The following NCOA1 variants were observed in gnomAD, a reference collection of about 807,000 sequenced individuals.
The protein encoded by NCOA1 is nuclear receptor coactivator 1.
Under a neutral mutation model 150.9 loss-of-function variants are expected in NCOA1, and 35 were observed. The observed-to-expected ratio is 0.23, with a 90% CI of 0.18 to 0.31. The LOEUF is 0.31. Among genes scored for constraint, NCOA1 ranks in the 10% least tolerant of loss-of-function variants. NCOA1 has a pLI of 1.00. For missense variants in NCOA1, 1,491 were observed against 1,749.3 expected, an observed-to-expected ratio of 0.85 and a Z score of 2.63; for synonymous variants, 590 against 630.0, an observed-to-expected ratio of 0.94 and a Z score of 0.95.
intron 14 of NCOA1, among the ~76,000 whole-genome samples, chr2:24,712,961 G>A (rs1673826230): frequency 6.6e-6 from 1 of 152,172 alleles, no homozygotes; most frequent in Admixed American, 6.5e-5. Flanking sequence ...CAGGTGCGGT[G>A]GCTCACGCCT....
intron 3 of NCOA1, among the ~76,000 whole-genome samples, chr2:24,624,229 A>G (rs1669301775): frequency 6.6e-6 from 1 of 152,178 alleles, no homozygotes; most frequent in Non-Finnish European, 1.5e-5. Flanking sequence ...AATACAATAA[A>G]TATTGGTAAC....
intron 7 of NCOA1, among the ~76,000 whole-genome samples, chr2:24,674,259 G>A (rs1161351226): frequency 2.0e-5 from 3 of 150,466 alleles, no homozygotes; most frequent in African/African-American, 7.3e-5. Flanking sequence ...ATGCTGGAGT[G>A]CAGTGGTGTG....
chr2:24,548,000 A>AAG (rs1209469056), intron 1 of NCOA1, among the ~76,000 whole-genome samples: 1 of 151,286 alleles, frequency 6.6e-6, no homozygotes, highest in African/African-American at 2.4e-5. Flanking sequence ...AAAAAAAAAA[A>AAG]AAAAAAAAGG....
In NCOA1 at chr2:24,768,515, GCAAAA is replaced by G; in HGVS notation, c.*125_*129del. On this transcript the variant is annotated 3_prime_UTR_variant, in exon 23 of 23. Coordinates refer to ENST00000348332, the MANE Select transcript of NCOA1 (RefSeq NM_003743.5). ...CATTCTTCAGGTCGTAGCATTTGGA[GCAAAA>G]AAAAAAAAAAAAAAAAAAAAAGGAG... 3 of 94,402 alleles carry G rather than the reference GCAAAA, an allele frequency of 3.2e-5. No individual in the cohort carries two copies. Among genetic ancestry groups the G allele is most frequent in the Non-Finnish European group, 5.6e-5 (3 of 53,646 alleles). 5.8% of individuals were successfully genotyped at this position (94,402 alleles called of 1,614,324 possible). A position where few individuals can be genotyped will look rare whatever the true frequency, so the allele number is the denominator to read the frequency against.
At chr2:24,636,616 GC>G (rs1669948459) in intron 3 of NCOA1, among the ~76,000 whole-genome samples, 1 of 151,764 alleles carries the variant, frequency 6.6e-6, no homozygotes, top group African/African-American at 2.4e-5. Context: ...TGGCCTTTTT[GC>G]CCTACGTAGG....
At chr2:24,597,081 A>G (rs1667914171) in intron 3 of NCOA1, among the ~76,000 whole-genome samples, 1 of 152,162 alleles carries the variant, frequency 6.6e-6, no homozygotes. Flanking sequence ...AGGGTGTATA[A>G]TTGGTTTCCA....
chr2:24,591,635 A>T (rs1410013245), intron 3 of NCOA1, among the ~76,000 whole-genome samples: 1 of 152,064 alleles, frequency 6.6e-6, no homozygotes, highest in Non-Finnish European at 1.5e-5. Flanking sequence ...CTTTCCTTCA[A>T]TCCCTCTAAT....
At chr2:24,695,375 C>T (rs754129182) in intron 10 of NCOA1, among the ~76,000 whole-genome samples, 2 of 151,982 alleles carry the variant, frequency 1.3e-5, no homozygotes, top group African/African-American at 2.4e-5. Context: ...ACCATACAGC[C>T]CTTTGCCGAG....
chr2:24,733,509 C>T (rs1166562898), intron 17 of NCOA1, among the ~76,000 whole-genome samples: 4 of 151,946 alleles, frequency 2.6e-5, no homozygotes, highest in African/African-American at 7.2e-5. Context: ...TTTGGGAGGC[C>T]GAGGCGGGTG....
chr2:24,706,417 T>C, intron 12 of NCOA1, 151 bp from the exon 13 acceptor site: 1 of 833,996 alleles, frequency 1.2e-6, no homozygotes, highest in Non-Finnish European at 1.7e-6. Flanking sequence ...TTAAGAAACT[T>C]TTTTCTTAAT....
chr2:24,500,075 G>T (rs901351897), intron 1 of NCOA1, among the ~76,000 whole-genome samples: 3 of 152,068 alleles, frequency 2.0e-5, no homozygotes, highest in African/African-American at 7.2e-5. Context: ...GGGACCCCAG[G>T]CACTTTTAGC....
intron 2 of NCOA1, among the ~76,000 whole-genome samples, chr2:24,570,036 T>C (rs1411448066): frequency 6.7e-6 from 1 of 150,234 alleles, no homozygotes; most frequent in Non-Finnish European, 1.5e-5. Context: ...AATTTCCAGC[T>C]TTAAGTGGTA....
chr2:24,518,985 A>G (rs1000204071), intron 1 of NCOA1, among the ~76,000 whole-genome samples: 6 of 152,232 alleles, frequency 3.9e-5, no homozygotes, highest in Non-Finnish European at 7.3e-5. Context: ...TAAAATTCAT[A>G]TAGAAATACA....
At chr2:24,614,196 A>ATTTTTTTTTT (rs1558840251) in intron 3 of NCOA1, among the ~76,000 whole-genome samples, 3 of 13,158 alleles carry the variant, frequency 2.3e-4, no homozygotes, top group Admixed American at 1.1e-3. Context: ...ATTCATTTCC[A>ATTTTTTTTTT]TTCTTTTTTT....
At chr2:24,539,588 T>C (rs11904717) in intron 1 of NCOA1, among the ~76,000 whole-genome samples, 22,288 of 152,186 alleles carry the variant, frequency 0.15, 1,981 homozygotes, top group Non-Finnish European at 0.2. Context: ...CATGATGTGA[T>C]TTGCATTTCA....
chr2:24,676,031 T>A (rs1302950935), intron 7 of NCOA1, among the ~76,000 whole-genome samples: 1 of 152,220 alleles, frequency 6.6e-6, no homozygotes, highest in Non-Finnish European at 1.5e-5. Flanking sequence ...TTTTAAAGAT[T>A]TCCAATTTTC....
intron 5 of NCOA1, among the ~76,000 whole-genome samples, chr2:24,664,932 C>T (rs868677826): frequency 6.6e-6 from 1 of 152,098 alleles, no homozygotes; most frequent in African/African-American, 2.4e-5. Context: ...ACTTAACTGT[C>T]TTTATATGTA....
chr2:24,523,840 C>T (rs1195755055), intron 1 of NCOA1, among the ~76,000 whole-genome samples: 1 of 135,038 alleles, frequency 7.4e-6, no homozygotes. Context: ...GCAGGAGAAT[C>T]GCTTGAACCC....
intron 1 of NCOA1, among the ~76,000 whole-genome samples, chr2:24,506,262 C>T (rs886072647): frequency 3.3e-5 from 5 of 151,908 alleles, no homozygotes; most frequent in African/African-American, 9.7e-5. Flanking sequence ...TTTCCTTTGA[C>T]CAGCTGGTTT....
Sources: allele counts gnomAD v4.1 joint callset (sites outside exome capture counted in the v4.1 genomes callset), GRCh38; gene constraint gnomAD v4.1.1; transcripts MANE v1.5; gene names NCBI Gene and HGNC (gene_info 2026-07-23, HGNC 2026-07-21).